The following SMAD6 variants were observed in gnomAD, a reference collection of about 807,000 sequenced individuals.
SMAD6 encodes SMAD family member 6.
In SMAD6, 103 loss-of-function variants were observed where a neutral mutation model predicts 39.4. The ratio of observed to expected loss-of-function variants is 2.62; its 90% CI spans 2.23 to 3.08. The LOEUF is 3.08. Among genes scored for constraint, SMAD6 ranks in the 30% most tolerant of loss-of-function variants. SMAD6 has a pLI of 0.00. For synonymous variants in SMAD6, 445 were observed against 353.3 expected (o/e 1.26, Z -2.91); for missense variants, 1,104 against 742.9 (o/e 1.49, Z -5.65).
At chr15:66,713,593 C>G (rs1298026090) in intron 2 of SMAD6, among the ~76,000 whole-genome samples, 1 of 152,226 alleles carries the variant, frequency 6.6e-6, no homozygotes, top group Non-Finnish European at 1.5e-5. Flanking sequence ...GCTGGGATTA[C>G]AGGCGTGAGC....
intron 3 of SMAD6, among the ~76,000 whole-genome samples, chr15:66,753,406 T>C (rs1354638168): frequency 6.6e-6 from 1 of 152,218 alleles, no homozygotes; most frequent in East Asian, 1.9e-4. Context: ...GGCACCTCCT[T>C]GTTCCTGTAA....
chr15:66,703,501 GA>G lies in SMAD6; in HGVS notation c.244del (p.Arg82GlyfsTer43). On this transcript the variant is annotated frameshift_variant, in exon 1 of 4. Transcript: ENST00000288840. LOFTEE classifies it high-confidence loss of function. ...GACAGCGAGGCGCCCAGGGCGCGGGGAGGCGCCGGCGCGCAGGGGGCCCCCC... is the reference window on the plus strand; with the variant it reads ...GACAGCGAGGCGCCCAGGGCGCGGGGGGCGCCGGCGCGCAGGGGGCCCCCC... ...VGQRGAQGAG[R>X]RRRAGGPPRP... 8.1e-7 allele frequency: 1 copy of G among 1,227,340 alleles called. No individual in the cohort carries two copies. 76.0% of individuals were successfully genotyped at this position (1,227,340 alleles called of 1,614,324 possible).
intron 3 of SMAD6, among the ~76,000 whole-genome samples, chr15:66,772,612 T>C (rs1260087935): frequency 6.6e-6 from 1 of 152,198 alleles, no homozygotes; most frequent in Non-Finnish European, 1.5e-5. Flanking sequence ...ACTTATGCAG[T>C]GCCTATTTTG....
At chr15:66,743,354 G>A (rs1893848855) in intron 3 of SMAD6, among the ~76,000 whole-genome samples, 1 of 152,072 alleles carries the variant, frequency 6.6e-6, no homozygotes, top group African/African-American at 2.4e-5. Context: ...GGTGAGGAGG[G>A]CCCTCTGGGC....
intron 1 of SMAD6, among the ~76,000 whole-genome samples, chr15:66,709,532 A>G (rs1595761630): frequency 6.6e-6 from 1 of 152,170 alleles, no homozygotes; most frequent in Non-Finnish European, 1.5e-5. Context: ...ACTACTGCCC[A>G]TAGTTGTCAA....
At chr15:66,753,517 A>C (rs1369865981) in intron 3 of SMAD6, among the ~76,000 whole-genome samples, 2 of 152,126 alleles carry the variant, frequency 1.3e-5, no homozygotes, top group African/African-American at 4.8e-5. Flanking sequence ...GCCTGAGTCC[A>C]TTCCATAGAT....
chr15:66,777,402 C>CA (rs534292197), intron 3 of SMAD6, among the ~76,000 whole-genome samples: 2 of 151,840 alleles, frequency 1.3e-5, no homozygotes, highest in Non-Finnish European at 2.9e-5. Flanking sequence ...TAGGTTGGTG[C>CA]AAAAGTAATT....
intron 3 of SMAD6, among the ~76,000 whole-genome samples, chr15:66,770,324 C>CCAGCCTGATGTAAGAACCGGCG (rs1414045417): frequency 6.6e-6 from 1 of 152,054 alleles, no homozygotes; most frequent in African/African-American, 2.4e-5. Flanking sequence ...GAACTCAGGC[C>CCAGCCTGATGTAAGAACCGGCG]CAGCCTGATG....
At chr15:66,728,802 A>C (rs762290537) in intron 3 of SMAD6, among the ~76,000 whole-genome samples, 1 of 152,136 alleles carries the variant, frequency 6.6e-6, no homozygotes, top group South Asian at 2.1e-4. Flanking sequence ...TAACATATCC[A>C]TTCTATTACT....
chr15:66,781,496 C>CCCCTGCT lies in SMAD6; in HGVS notation c.1453_1459dup (p.Trp487SerfsTer80). On this transcript the variant is annotated frameshift_variant, in exon 4 of 4. Transcript: ENST00000288840. LOFTEE classifies it high-confidence loss of function. ...ACTCCCGGCAGTTCATCACCTCCTG[C>CCCCTGCT]CCCTGCTGGCTGGAGATCCTCCTCA... is the stretch of plus-strand genomic sequence containing the variant. 1 of 1,575,822 alleles carries CCCCTGCT rather than the reference C, an allele frequency of 6.3e-7. No homozygotes were observed. The highest frequency in any genetic ancestry group is 8.6e-7 in the Non-Finnish European group (1 of 1,163,902).
At chr15:66,767,926 T>C (rs182138484) in intron 3 of SMAD6, among the ~76,000 whole-genome samples, 3 of 151,230 alleles carry the variant, frequency 2.0e-5, no homozygotes, top group Admixed American at 1.3e-4. Flanking sequence ...ACCTTTGTAC[T>C]TTTAATTTTG....
intron 3 of SMAD6, among the ~76,000 whole-genome samples, chr15:66,737,299 G>A (rs1042948379): frequency 6.6e-6 from 1 of 152,200 alleles, no homozygotes; most frequent in Admixed American, 6.5e-5. Context: ...GGCTCCTCCT[G>A]TTCCTTCTGA....
rs781740552 is a variant in SMAD6 at position 66,703,721 on chromosome 15, G to A, written c.463G>A (p.Gly155Ser). 4 of 1,348,786 alleles carry A rather than the reference G, an allele frequency of 3.0e-6. No individual in the cohort carries two copies. The African/African-American group carries it at 4.5e-5, about 15-fold the overall frequency. 83.6% of individuals were successfully genotyped at this position (1,348,786 alleles called of 1,614,324 possible). The change falls in exon 1 of 4, where the codon GGC (glycine) becomes AGC (serine). Residue 155 changes from glycine to serine, a missense_variant. Transcript: ENST00000288840. ...LAGAALEPAG[G>S]GRSREARSRL... ...CGGGGCGGCCCTGGAGCCGGCGGGC[G>A]GCGGGCGGAGTCGCGAAGCGCGCTC...
chr15:66,709,642 A>G (rs1893188815), intron 1 of SMAD6, among the ~76,000 whole-genome samples: 1 of 152,152 alleles, frequency 6.6e-6, no homozygotes, highest in African/African-American at 2.4e-5. Flanking sequence ...AAGTAACCCT[A>G]AGGAATTGCA....
chr15:66,765,533 CTTAACT>C (rs1353221863), intron 3 of SMAD6, among the ~76,000 whole-genome samples: 1 of 152,162 alleles, frequency 6.6e-6, no homozygotes, highest in Non-Finnish European at 1.5e-5. Flanking sequence ...AGGATTGCTT[CTTAACT>C]TTAAGTCTTG....
chr15:66,705,053 A>C (rs547737405), intron 1 of SMAD6: 10 of 152,546 alleles, frequency 6.6e-5, no homozygotes, highest in African/African-American at 2.4e-4. Flanking sequence ...ATTAGCTGGC[A>C]CTGGGGTTTT....
intron 3 of SMAD6, among the ~76,000 whole-genome samples, chr15:66,729,014 G>A (rs1049969732): frequency 6.6e-6 from 1 of 152,202 alleles, no homozygotes; most frequent in Non-Finnish European, 1.5e-5. Context: ...AGACCACAGC[G>A]TTTTAGTCAG....
intron 3 of SMAD6, among the ~76,000 whole-genome samples, chr15:66,736,435 C>T (rs975681803): frequency 1.3e-5 from 2 of 152,118 alleles, no homozygotes; most frequent in East Asian, 1.9e-4. Context: ...AGCTAAGATT[C>T]GTAGTGAGGT....
intron 3 of SMAD6, among the ~76,000 whole-genome samples, chr15:66,754,180 C>T (rs74019772): frequency 0.021 from 3,241 of 152,324 alleles, 45 homozygotes; most frequent in East Asian, 0.066. Flanking sequence ...CCTTCAACCT[C>T]TGCCACTCTC....
Sources: allele counts gnomAD v4.1 joint callset (sites outside exome capture counted in the v4.1 genomes callset), GRCh38; gene constraint gnomAD v4.1.1; transcripts MANE v1.5; gene names NCBI Gene and HGNC (gene_info 2026-07-23, HGNC 2026-07-21).